Variants in GRID1 observed in about 807,000 individuals in gnomAD.
The protein encoded by GRID1 is glutamate ionotropic receptor delta type subunit 1, also known as glutamate receptor ionotropic, delta-1.
GRID1 carries 28 observed loss-of-function variants against 98.0 expected under a neutral mutation model. The observed-to-expected ratio is 0.29, with a 90% CI of 0.21 to 0.39. The LOEUF (loss-of-function observed/expected upper bound fraction) is 0.39, where lower values mean the gene tolerates loss of function less well. Ranked by LOEUF, GRID1 falls within the 10% of genes least tolerant of loss-of-function variation. GRID1 has a pLI of 1.00. For missense variants in GRID1, 1,111 were observed against 1,340.5 expected (o/e 0.83, Z 2.67); for synonymous variants, 553 against 538.5 (o/e 1.03, Z -0.37).
chr10:85,772,224 T>G (rs1350089775), intron 8 of GRID1, among the ~76,000 whole-genome samples: 1 of 152,048 alleles, frequency 6.6e-6, no homozygotes, highest in Non-Finnish European at 1.5e-5. Context: ...GAATGACTAC[T>G]GGGTACATAA....
At position 86,071,392 on chromosome 10, in the gene GRID1, C is replaced by T. The variant is rs182292951; in HGVS notation, c.726+67427G>A. On this transcript the variant is annotated intron_variant, in intron 4 of 15. Coordinates refer to ENST00000327946, the MANE Select transcript of GRID1 (RefSeq NM_017551.3). The stretch of plus-strand genomic sequence containing the variant: ...CTCTGCCTTTCATGTTATAGAAGCT[C>T]GGCAAGTTCCTTAACCTCTGGGTCT... 6.6e-5 allele frequency among the ~76,000 whole-genome samples: 10 copies of T among 152,312 alleles called. 1 individual carries two copies. Among genetic ancestry groups the T allele is most frequent in the Admixed American group, 3.9e-4 (6 of 15,300 alleles).
At chr10:86,114,652 T>C (rs915360616) in intron 4 of GRID1, among the ~76,000 whole-genome samples, 1 of 152,086 alleles carries the variant, frequency 6.6e-6, no homozygotes, top group African/African-American at 2.4e-5. Flanking sequence ...CTCCTGTCTT[T>C]CCCTCTCCCC....
chr10:86,340,319 A>G (rs1483635900), intron 2 of GRID1, among the ~76,000 whole-genome samples: 1 of 152,200 alleles, frequency 6.6e-6, no homozygotes, highest in African/African-American at 2.4e-5. Context: ...ATCGGACAGG[A>G]AAGGCTAAGG....
At chr10:86,157,694 G>C (rs1845265518) in intron 3 of GRID1, among the ~76,000 whole-genome samples, 1 of 152,224 alleles carries the variant, frequency 6.6e-6, no homozygotes, top group South Asian at 2.1e-4. Context: ...GGGCCCCATG[G>C]AAGAAAGCAG....
At chr10:85,607,038 C>T (rs912937019) in intron 15 of GRID1, 7 of 152,096 alleles carry the variant, frequency 4.6e-5, no homozygotes, top group Non-Finnish European at 1.0e-4. Context: ...TGTGTTTACC[C>T]GTGAATCCGG....
chr10:86,276,281 C>G (rs1349493685), intron 2 of GRID1, among the ~76,000 whole-genome samples: 1 of 152,146 alleles, frequency 6.6e-6, no homozygotes, highest in Admixed American at 6.5e-5. Flanking sequence ...ACACAATCTT[C>G]CCTCTATATA....
At chr10:86,325,796 C>T (rs944132304) in intron 2 of GRID1, among the ~76,000 whole-genome samples, 5 of 152,184 alleles carry the variant, frequency 3.3e-5, no homozygotes, top group African/African-American at 1.2e-4. Flanking sequence ...TGATAAAGGA[C>T]ATCTCCTAGA....
rs553872628 is a variant in GRID1 at position 86,365,553 on chromosome 10, C to G, written c.79+761G>C. On this transcript the variant is annotated intron_variant, in intron 1 of 15. Transcript: ENST00000327946. This position sits in a 1 kb window ranked among gnomAD's most constrained non-coding sequence, Gnocchi z 4.8. ...TTCCCGCTCAGCATCCCCCTACCCC[C>G]CGCTGCCCACGCTTCTTCCCTCGGC... 1.9e-4 allele frequency among the ~76,000 whole-genome samples: 29 copies of G among 152,008 alleles called. No homozygotes were observed. The highest frequency in any genetic ancestry group is 3.8e-4 in the Non-Finnish European group (26 of 67,992).
chr10:86,354,899 C>T (rs1214043145), intron 2 of GRID1, among the ~76,000 whole-genome samples: 1 of 152,216 alleles, frequency 6.6e-6, no homozygotes, highest in Non-Finnish European at 1.5e-5. Context: ...AACCTCCTTC[C>T]CTGCTCTCTT....
intron 4 of GRID1, among the ~76,000 whole-genome samples, chr10:85,981,460 GC>G (rs1842543730): frequency 6.6e-6 from 1 of 152,106 alleles, no homozygotes; most frequent in South Asian, 2.1e-4. Context: ...TGCCTACTTG[GC>G]TTTTGATGGG....
At chr10:86,236,668 G>C (rs1846545056) in intron 2 of GRID1, among the ~76,000 whole-genome samples, 1 of 152,204 alleles carries the variant, frequency 6.6e-6, no homozygotes, top group South Asian at 2.1e-4. Context: ...AATATCAGCA[G>C]GCAGGACCCA....
At chr10:85,642,197 C>G (rs190742433) in intron 13 of GRID1, among the ~76,000 whole-genome samples, 46 of 152,274 alleles carry the variant, frequency 3.0e-4, no homozygotes, top group Admixed American at 3.0e-3. Context: ...CAGCCATAAA[C>G]AGCATGTAAA....
At chr10:85,889,412 C>T (rs1841163434) in intron 5 of GRID1, among the ~76,000 whole-genome samples, 1 of 152,096 alleles carries the variant, frequency 6.6e-6, no homozygotes, top group Admixed American at 6.5e-5. Context: ...TTTTAGATTC[C>T]ACTTGAGTGA....
chr10:85,682,592 T>G (rs918223115), intron 12 of GRID1, among the ~76,000 whole-genome samples: 1 of 152,212 alleles, frequency 6.6e-6, no homozygotes, highest in Non-Finnish European at 1.5e-5. Flanking sequence ...CCAACTCACT[T>G]TGCCACTCTC....
chr10:86,202,061 T>C (rs1021147178), intron 3 of GRID1, among the ~76,000 whole-genome samples: 17 of 152,344 alleles, frequency 1.1e-4, no homozygotes, highest in African/African-American at 4.1e-4. Context: ...CTAGCACAAA[T>C]AGACAGTGGC....
At chr10:86,134,892 G>C (rs759813610) in intron 4 of GRID1, among the ~76,000 whole-genome samples, 1 of 152,172 alleles carries the variant, frequency 6.6e-6, no homozygotes, top group African/African-American at 2.4e-5. Context: ...GCCATTACAG[G>C]TAAAAGGGTC....
At chr10:86,314,283 G>C (rs915343416) in intron 2 of GRID1, among the ~76,000 whole-genome samples, 2 of 152,198 alleles carry the variant, frequency 1.3e-5, no homozygotes, top group African/African-American at 4.8e-5. Context: ...ACCCACCATA[G>C]AATGAGCCCC....
chr10:86,051,275 C>T (rs901753103), intron 4 of GRID1, among the ~76,000 whole-genome samples: 1 of 147,468 alleles, frequency 6.8e-6, no homozygotes, highest in African/African-American at 2.5e-5. Context: ...AAAAGATAAA[C>T]TTCCAATAAA....
chr10:85,930,726 AT>A (rs951780283), intron 4 of GRID1, among the ~76,000 whole-genome samples: 1 of 152,054 alleles, frequency 6.6e-6, no homozygotes, highest in African/African-American at 2.4e-5. Flanking sequence ...CCATGTATGA[AT>A]TTTTTTAACT....
Sources: allele counts gnomAD v4.1 joint callset (sites outside exome capture counted in the v4.1 genomes callset), GRCh38; gene constraint gnomAD v4.1.1; non-coding constraint Gnocchi (gnomAD v3.1); transcripts MANE v1.5; gene names NCBI Gene and HGNC (gene_info 2026-07-23, HGNC 2026-07-21).